KAT6A: variants seen among roughly 807,000 people sequenced by gnomAD.
KAT6A encodes histone acetyltransferase KAT6A.
A neutral mutation model predicts 198.4 loss-of-function variants in KAT6A; 9 were observed. That is an observed-to-expected ratio of 0.05 (90% CI 0.03 to 0.08). KAT6A has a LOEUF of 0.08. KAT6A is among the 10% of genes least tolerant of loss of function. The pLI, the probability that KAT6A is intolerant of heterozygous loss-of-function variation, is 1.00. For synonymous variants in KAT6A, 890 were observed against 883.0 expected (o/e 1.01, Z -0.14); for missense variants, 2,077 against 2,509.9 (o/e 0.83, Z 3.69).
chr8:41,984,871 T>C (rs904747744), intron 3 of KAT6A, among the ~76,000 whole-genome samples: 3 of 151,660 alleles, frequency 2.0e-5, no homozygotes, highest in Admixed American at 2.0e-4. Flanking sequence ...TAATCCCAGC[T>C]ACTCCGGAGG....
intron 9 of KAT6A, among the ~76,000 whole-genome samples, chr8:41,954,990 T>G (rs1822853674): frequency 6.6e-6 from 1 of 152,004 alleles, no homozygotes; most frequent in Non-Finnish European, 1.5e-5. Context: ...TTTTTCAAAA[T>G]TCTTAGTGAT....
In KAT6A at chr8:41,932,443, C is replaced by T. The variant is rs1279536633; in HGVS notation, c.5777G>A (p.Arg1926Gln). The change falls in exon 17 of 17, where the codon CGA (arginine) becomes CAA (glutamine). Residue 1926 changes from arginine to glutamine, a missense_variant. Physicochemically the swap from Arg to Gln is conservative, Grantham distance 43. This residue lies in a region of KAT6A where 500 missense variants were observed against 577.2 expected (regional missense o/e 0.87). Coordinates refer to ENST00000265713, the MANE Select transcript of KAT6A (RefSeq NM_006766.5). ...MNTLNAMNSY[R>Q]MTQPMMNSSY... ...GCTGTTCATCATGGGCTGTGTCATT[C>T]GATAGCTGTTCATGGCATTCAAGGT... 4 of 1,614,224 alleles carry T rather than the reference C, an allele frequency of 2.5e-6. No individual in the cohort carries two copies. The highest frequency in any genetic ancestry group is 1.3e-5 in the African/African-American group (1 of 75,040).
At chr8:41,975,542 G>C (rs1453630733) in intron 7 of KAT6A, among the ~76,000 whole-genome samples, 1 of 151,958 alleles carries the variant, frequency 6.6e-6, no homozygotes, top group African/African-American at 2.4e-5. Flanking sequence ...TGCACATATG[G>C]GCCATCTGTT....
At chr8:42,040,485 G>A (rs1008145738) in intron 2 of KAT6A, among the ~76,000 whole-genome samples, 4 of 152,114 alleles carry the variant, frequency 2.6e-5, no homozygotes, top group Non-Finnish European at 5.9e-5. Flanking sequence ...TGTAATCCCA[G>A]CACTTTGGGA....
At chr8:42,030,677 G>A (rs1827064211) in intron 2 of KAT6A, among the ~76,000 whole-genome samples, 1 of 151,878 alleles carries the variant, frequency 6.6e-6, no homozygotes, top group African/African-American at 2.4e-5. Flanking sequence ...TGATACTCGT[G>A]CCTCAGCTTC....
chr8:42,011,954 A>G (rs1330898692), intron 2 of KAT6A, among the ~76,000 whole-genome samples: 4 of 152,166 alleles, frequency 2.6e-5, no homozygotes, highest in Non-Finnish European at 5.9e-5. Flanking sequence ...AGATAGGCAA[A>G]CTACTTGAAG....
chr8:41,992,815 T>C (rs1564050305), intron 2 of KAT6A, among the ~76,000 whole-genome samples: 2 of 152,188 alleles, frequency 1.3e-5, no homozygotes, highest in African/African-American at 2.4e-5. Context: ...TATAGCAAAG[T>C]ACTTGGCCAA....
chr8:41,977,232 T>G lies in KAT6A; in HGVS notation c.1139A>C (p.Glu380Ala), dbSNP rs200237835. 1.6e-4 allele frequency: 266 copies of G among 1,614,158 alleles called. No individual in the cohort carries two copies. Among genetic ancestry groups the G allele is most frequent in the Middle Eastern group, 4.9e-4 (3 of 6,062 alleles). Residue 380 changes from glutamate (E) to alanine (A), a missense_variant, in exon 7 of 17, where the codon GAA becomes GCA. Transcript: ENST00000265713. ...LSSQSASSSSEEGYLERIDGL... is the reference protein window; with the variant it reads ...LSSQSASSSSAEGYLERIDGL... Reference sequence around the variant, plus strand: ...ATCTATCCGCTCTAAATATCCTTCTTCTGATGATGATGATGCTGATTGGCT... The same window carrying G: ...ATCTATCCGCTCTAAATATCCTTCTGCTGATGATGATGATGCTGATTGGCT...
At chr8:42,039,998 C>T (rs1248814443) in intron 2 of KAT6A, among the ~76,000 whole-genome samples, 1 of 151,884 alleles carries the variant, frequency 6.6e-6, no homozygotes, top group East Asian at 1.9e-4. Context: ...CCGCCTGCCT[C>T]GGCTTCCCAA....
chr8:41,946,505 C>T (rs892248756), intron 12 of KAT6A, 86 bp downstream of exon 12: 9 of 584,366 alleles, frequency 1.5e-5, no homozygotes, highest in African/African-American at 1.3e-4. Flanking sequence ...CACACACACA[C>T]ACACACACAC....
chr8:42,008,710 G>A (rs1825865614), intron 2 of KAT6A, among the ~76,000 whole-genome samples: 1 of 152,026 alleles, frequency 6.6e-6, no homozygotes, highest in Non-Finnish European at 1.5e-5. Context: ...TTTCTGGGAT[G>A]ATGAAATGTT....
chr8:42,045,353 G>C lies in KAT6A; in HGVS notation c.600+3025C>G, dbSNP rs937279446. On this transcript the variant is annotated intron_variant, in intron 2 of 16. Coordinates refer to ENST00000265713, the MANE Select transcript of KAT6A (RefSeq NM_006766.5). ...AGGTGGGCGGATCACCTGAGGTTGG[G>C]AGTTCGAGATGAGCCTGACCAACAG... 1.7e-4 allele frequency among the ~76,000 whole-genome samples: 26 copies of C among 152,074 alleles called. 1 individual carries two copies.
intron 2 of KAT6A, among the ~76,000 whole-genome samples, chr8:41,997,382 C>G (rs1825270217): frequency 2.0e-5 from 3 of 151,448 alleles, no homozygotes; most frequent in Admixed American, 1.3e-4. Flanking sequence ...ATGCAGTAAA[C>G]AGAATTAGAA....
At chr8:42,041,638 A>G (rs769815050) in intron 2 of KAT6A, among the ~76,000 whole-genome samples, 8 of 151,920 alleles carry the variant, frequency 5.3e-5, no homozygotes, top group Admixed American at 2.6e-4. Flanking sequence ...GCAGGAGGGG[A>G]GAGGCAGTAG....
intron 2 of KAT6A, among the ~76,000 whole-genome samples, chr8:42,004,031 C>A (rs1825623186): frequency 6.6e-6 from 1 of 152,172 alleles, no homozygotes; most frequent in Non-Finnish European, 1.5e-5. Flanking sequence ...TAGTAGTCAG[C>A]TAGTGAAATC....
chr8:42,038,551 C>T (rs1827487596), intron 2 of KAT6A, among the ~76,000 whole-genome samples: 1 of 152,134 alleles, frequency 6.6e-6, no homozygotes, highest in Admixed American at 6.5e-5. Flanking sequence ...ATGAAAAAAG[C>T]ACAAAATTGA....
intron 2 of KAT6A, among the ~76,000 whole-genome samples, chr8:41,994,349 T>C (rs560736873): frequency 1.3e-5 from 2 of 152,296 alleles, no homozygotes; most frequent in South Asian, 2.1e-4. Flanking sequence ...GTGTGATCTG[T>C]ACTCCCCTGC....
chr8:42,033,146 T>A (rs1243958196), intron 2 of KAT6A, among the ~76,000 whole-genome samples: 1 of 152,136 alleles, frequency 6.6e-6, no homozygotes, highest in Non-Finnish European at 1.5e-5. Context: ...GTGCTGGGAT[T>A]ACAGGCGTGA....
chr8:41,945,844 C>T (rs368782093), intron 12 of KAT6A, among the ~76,000 whole-genome samples: 11 of 151,940 alleles, frequency 7.2e-5, no homozygotes, highest in East Asian at 5.9e-4. Context: ...CTGGCTAACA[C>T]GGTAAAACCC....
Sources: gnomAD v4.1 joint callset for allele counts (sites outside exome capture counted in the v4.1 genomes callset) on GRCh38, gnomAD v4.1.1 for gene constraint, gnomAD v4.1.1 regional missense constraint, MANE v1.5 for transcripts, NCBI Gene and HGNC (gene_info 2026-07-23, HGNC 2026-07-21) for gene names.